The following CTNNA3 variants were observed in gnomAD, a reference collection of about 807,000 sequenced individuals.
CTNNA3 encodes the protein catenin alpha 3.
A neutral mutation model predicts 95.7 loss-of-function variants in CTNNA3; 76 were observed. The observed-to-expected ratio is 0.79, with a 90% CI of 0.66 to 0.96. The LOEUF (loss-of-function observed/expected upper bound fraction) is 0.96, where lower values mean the gene tolerates loss of function less well. CTNNA3 is among the 40% of genes least tolerant of loss of function. The probability of loss-of-function intolerance (pLI) is 0.00; values close to 1 mark genes in which losing one functional copy is unlikely to be tolerated. For synonymous variants in CTNNA3, 431 were observed against 374.4 expected, an observed-to-expected ratio of 1.15 and a Z score of -1.74; for missense variants, 1,191 against 1,089.8, an observed-to-expected ratio of 1.09 and a Z score of -1.31.
At chr10:67,493,375 CA>C (rs1370507975) in intron 5 of CTNNA3, among the ~76,000 whole-genome samples, 2 of 152,070 alleles carry the variant, frequency 1.3e-5, no homozygotes, top group Non-Finnish European at 2.9e-5. Flanking sequence ...TCCTGGCTAA[CA>C]TGGTGAAACC....
At chr10:66,857,889 C>G (rs919646530) in intron 7 of CTNNA3, among the ~76,000 whole-genome samples, 2 of 152,052 alleles carry the variant, frequency 1.3e-5, no homozygotes. Context: ...ATTTGGATGT[C>G]TTTAATTTCT....
intron 5 of CTNNA3, among the ~76,000 whole-genome samples, chr10:67,400,856 A>T (rs1180138520): frequency 1.3e-5 from 2 of 152,208 alleles, no homozygotes; most frequent in Admixed American, 1.3e-4. Flanking sequence ...TTAGAAAAGA[A>T]TATTAGAATT....
intron 9 of CTNNA3, among the ~76,000 whole-genome samples, chr10:66,645,746 T>C (rs1441400349): frequency 6.6e-6 from 1 of 152,168 alleles, no homozygotes; most frequent in Non-Finnish European, 1.5e-5. Context: ...AAATCTAGGT[T>C]GCACGTCCTT....
chr10:66,913,523 C>T (rs574660483), intron 7 of CTNNA3, among the ~76,000 whole-genome samples: 5 of 151,964 alleles, frequency 3.3e-5, no homozygotes, highest in African/African-American at 4.8e-5. Context: ...GTCTCTTTCA[C>T]GTCAAAACTC....
intron 7 of CTNNA3, among the ~76,000 whole-genome samples, chr10:66,984,708 G>A (rs1169988636): frequency 6.6e-6 from 1 of 151,970 alleles, no homozygotes; most frequent in Non-Finnish European, 1.5e-5. Flanking sequence ...TGTACTTGAT[G>A]ACTAAAGTCA....
intron 12 of CTNNA3, among the ~76,000 whole-genome samples, chr10:66,297,040 C>T (rs537452010): frequency 2.0e-5 from 3 of 151,986 alleles, no homozygotes; most frequent in Non-Finnish European, 2.9e-5. Context: ...CTGAACAAGA[C>T]TATGAAAATG....
chr10:67,478,236 A>T (rs572891083), intron 5 of CTNNA3, among the ~76,000 whole-genome samples: 145 of 152,306 alleles, frequency 9.5e-4, no homozygotes, highest in African/African-American at 3.3e-3. Flanking sequence ...AGAGGAGAAA[A>T]AGTAAACAAC....
intron 7 of CTNNA3, among the ~76,000 whole-genome samples, chr10:66,803,501 T>C (rs937193180): frequency 6.6e-5 from 10 of 152,068 alleles, no homozygotes; most frequent in African/African-American, 9.7e-5. Flanking sequence ...ACATTGTATA[T>C]TTTGAGAGTT....
At chr10:67,726,394 AT>A (rs1365865932) in intron 1 of CTNNA3, among the ~76,000 whole-genome samples, 1 of 44,536 alleles carries the variant, frequency 2.2e-5, no homozygotes, top group East Asian at 1.4e-3. Context: ...AATTATATAT[AT>A]TATATATTAT....
Position 67,608,900 on chromosome 10 carries a change from G to A in CTNNA3, c.100-1851C>T, listed in dbSNP as rs189868095. Among the ~76,000 whole-genome samples, 16 of 152,066 alleles carry A rather than the reference G, an allele frequency of 1.1e-4. No homozygotes were observed. The East Asian group carries it at 2.9e-3, about 28-fold the overall frequency. On this transcript the variant is annotated intron_variant, in intron 2 of 17. Coordinates refer to ENST00000433211, the MANE Select transcript of CTNNA3 (RefSeq NM_013266.4). The stretch of plus-strand genomic sequence containing the variant: ...GAGGTCGGGAGTTCAAGACCAACCT[G>A]ACCAACATGGACAAACCCCCTCTCT...
intron 3 of CTNNA3, among the ~76,000 whole-genome samples, chr10:67,561,017 A>C (rs1256619541): frequency 2.0e-5 from 3 of 151,040 alleles, no homozygotes; most frequent in Non-Finnish European, 4.4e-5. Context: ...AAAGAGACTT[A>C]GACTCCCACA....
intron 7 of CTNNA3, among the ~76,000 whole-genome samples, chr10:66,994,577 A>C (rs1851227884): frequency 6.6e-6 from 1 of 152,208 alleles, no homozygotes; most frequent in Non-Finnish European, 1.5e-5. Context: ...TTAAGTACCA[A>C]GGATACCTAA....
At chr10:66,529,462 T>TTTTA (rs1841390323) in intron 10 of CTNNA3, among the ~76,000 whole-genome samples, 24 of 150,838 alleles carry the variant, frequency 1.6e-4, no homozygotes, top group Admixed American at 3.3e-4. Context: ...TTTTTTTTTT[T>TTTTA]AATAAAAAAA....
chr10:65,980,801 G>T (rs1019305781), intron 16 of CTNNA3, among the ~76,000 whole-genome samples: 3 of 151,942 alleles, frequency 2.0e-5, no homozygotes, highest in African/African-American at 7.2e-5. Context: ...ATCCCTTTAT[G>T]ATTAAAGCCC....
At chr10:67,419,226 C>A (rs1845652855) in intron 5 of CTNNA3, among the ~76,000 whole-genome samples, 2 of 151,970 alleles carry the variant, frequency 1.3e-5, no homozygotes, top group African/African-American at 4.8e-5. Context: ...AAAAATGGAA[C>A]AATGAAGACA....
chr10:66,043,525 T>C (rs978654227), intron 15 of CTNNA3, among the ~76,000 whole-genome samples: 4 of 152,202 alleles, frequency 2.6e-5, no homozygotes, highest in Non-Finnish European at 5.9e-5. Context: ...ATATATACTG[T>C]CCTTTTCTGT....
intron 13 of CTNNA3, among the ~76,000 whole-genome samples, chr10:66,147,509 C>T (rs2083948754): frequency 1.3e-5 from 2 of 151,332 alleles, no homozygotes; most frequent in South Asian, 4.2e-4. Context: ...CAACAGATGA[C>T]TCTCCCTCAT....
chr10:66,059,481 A>G (rs1421325800), intron 15 of CTNNA3, among the ~76,000 whole-genome samples: 1 of 152,118 alleles, frequency 6.6e-6, no homozygotes, highest in Non-Finnish European at 1.5e-5. Flanking sequence ...CTCAGCTCCT[A>G]GCAACATTCT....
intron 7 of CTNNA3, among the ~76,000 whole-genome samples, chr10:67,146,373 C>G (rs1860842169): frequency 6.6e-6 from 1 of 152,154 alleles, no homozygotes; most frequent in Non-Finnish European, 1.5e-5. Flanking sequence ...ATACCTCTGC[C>G]TCTAGGAGAG....
Sources: allele counts gnomAD v4.1 joint callset (sites outside exome capture counted in the v4.1 genomes callset), GRCh38; gene constraint gnomAD v4.1.1; transcripts MANE v1.5; gene names NCBI Gene and HGNC (gene_info 2026-07-23, HGNC 2026-07-21).